Variants in MYO10 observed in about 807,000 individuals in gnomAD.
MYO10 encodes unconventional myosin-X.
MYO10 carries 133 observed loss-of-function variants against 257.3 expected under a neutral mutation model. The observed-to-expected ratio is 0.52, with a 90% confidence interval of 0.45 to 0.60. The LOEUF (loss-of-function observed/expected upper bound fraction) is 0.60, where lower values mean the gene tolerates loss of function less well. Among genes scored for constraint, MYO10 ranks in the 20% least tolerant of loss-of-function variants. The probability of loss-of-function intolerance (pLI) is 0.00; values close to 1 mark genes in which losing one functional copy is unlikely to be tolerated. For synonymous variants in MYO10, 1,104 were observed against 1,028.6 expected (o/e 1.07, Z -1.40); for missense variants, 2,399 against 2,635.7 (o/e 0.91, Z 1.97).
At chr5:16,690,170 T>A (rs1422265715) in intron 27 of MYO10, among the ~76,000 whole-genome samples, 1 of 152,172 alleles carries the variant, frequency 6.6e-6, no homozygotes, top group Non-Finnish European at 1.5e-5. Flanking sequence ...AACAATACAG[T>A]GTAACTACTA....
intron 3 of MYO10, among the ~76,000 whole-genome samples, chr5:16,805,946 A>T (rs1287982676): frequency 6.6e-6 from 1 of 152,196 alleles, no homozygotes; most frequent in Non-Finnish European, 1.5e-5. Context: ...CCTAGTGTCA[A>T]ATTTCACACC....
intron 19 of MYO10, among the ~76,000 whole-genome samples, chr5:16,752,298 T>C (rs184270219): frequency 2.0e-5 from 3 of 152,342 alleles, no homozygotes; most frequent in Admixed American, 2.0e-4. Context: ...ATTTGTATTT[T>C]TTGAAACAGA....
chr5:16,852,975 C>G (rs1020365965), intron 2 of MYO10, among the ~76,000 whole-genome samples: 18 of 152,066 alleles, frequency 1.2e-4, no homozygotes, highest in African/African-American at 4.1e-4. Context: ...GAGGGTAGAA[C>G]TAGGAATGAA....
intron 19 of MYO10, among the ~76,000 whole-genome samples, chr5:16,739,779 A>G (rs372493312): frequency 2.6e-5 from 4 of 152,192 alleles, no homozygotes; most frequent in African/African-American, 9.7e-5. Context: ...TATACACAAC[A>G]AATATAAAGA....
Position 16,920,223 on chromosome 5 carries a change from G to A in MYO10, c.21+15565C>T, listed in dbSNP as rs562931590. On this transcript the variant is annotated intron_variant, in intron 1 of 40. Coordinates refer to ENST00000513610, the MANE Select transcript of MYO10 (RefSeq NM_012334.3). The stretch of plus-strand genomic sequence containing the variant: ...CGGGAGGCAGAGACTGCAGTGAACC[G>A]ACATTGCGCCACTGCACTCCAGCCT... 4.6e-5 allele frequency among the ~76,000 whole-genome samples: 7 copies of A among 152,266 alleles called. No individual in the cohort carries two copies. The South Asian group carries it at 1.0e-3, about 23-fold the overall frequency.
In MYO10 at chr5:16,848,159, T is replaced by TTTTTTTTTTC. The variant is rs1437234011; in HGVS notation, c.120+29449_120+29450insGAAAAAAAAA. On this transcript the variant is annotated intron_variant, in intron 2 of 40. Transcript: ENST00000513610. The stretch of plus-strand genomic sequence containing the variant: ...TAAGCAAAGAACTACACATTTCTTT[T>TTTTTTTTTTC]TTTTTTTTTTTTTTGTGAGAGAGAG... 2.7e-5 allele frequency among the ~76,000 whole-genome samples: 4 copies of TTTTTTTTTTC among 146,876 alleles called. No homozygotes were observed. The South Asian group carries it at 6.4e-4, about 24-fold the overall frequency.
intron 35 of MYO10, among the ~76,000 whole-genome samples, chr5:16,674,194 G>A (rs368096977): frequency 1.3e-5 from 2 of 152,200 alleles, no homozygotes; most frequent in Admixed American, 6.5e-5. Context: ...TTGGCCGGGC[G>A]CCGTGGCTAA....
intron 14 of MYO10, 70 bp downstream of exon 14, chr5:16,763,411 G>A (rs1032665528): frequency 1.7e-6 from 2 of 1,209,920 alleles, no homozygotes; most frequent in African/African-American, 3.0e-5. Flanking sequence ...ACGTTATTTT[G>A]TTCCCATAAA....
At chr5:16,726,859 C>A (rs1161341096) in intron 19 of MYO10, among the ~76,000 whole-genome samples, 1 of 152,196 alleles carries the variant, frequency 6.6e-6, no homozygotes, top group Non-Finnish European at 1.5e-5. Context: ...GGCCTGCCAC[C>A]TGTTCTTGTA....
In MYO10 at chr5:16,818,064, T is replaced by C. The variant is rs1742677445; in HGVS notation, c.224A>G (p.His75Arg). Reference protein sequence around the residue: ...VDDMASLTELHGGSIMYNLFQ... With the variant: ...VDDMASLTELRGGSIMYNLFQ... ...TAAGTTATACATGATGGAGCCGCCA[T>C]GGAGCTCTGTCAAGGACGCCATGTC... is the stretch of plus-strand genomic sequence containing the variant. Residue 75 changes from histidine (H) to arginine (R), a missense_variant, in exon 3 of 41, where the codon CAT (histidine) becomes CGT (arginine). Physicochemically the swap from His to Arg is conservative, Grantham distance 29 (BLOSUM62 0). This residue lies in a region of MYO10 where 242 missense variants were observed against 249.5 expected (regional missense o/e 0.97). Transcript: ENST00000513610. 2.5e-6 allele frequency: 4 copies of C among 1,610,088 alleles called. No homozygotes were observed. The highest frequency in any genetic ancestry group is 1.7e-5 in the Admixed American group (1 of 59,518).
At chr5:16,768,664 C>CTTTT (rs34950225) in intron 10 of MYO10, among the ~76,000 whole-genome samples, 1,098 of 70,066 alleles carry the variant, frequency 0.016, 63 homozygotes, top group East Asian at 0.026. Context: ...TTTCTCTTTT[C>CTTTT]TTTTTTTTTT....
At chr5:16,833,918 T>C (rs1461742037) in intron 2 of MYO10, among the ~76,000 whole-genome samples, 1 of 152,208 alleles carries the variant, frequency 6.6e-6, no homozygotes, top group African/African-American at 2.4e-5. Context: ...TTATCAGTGA[T>C]GTAATCTGGC....
At chr5:16,831,870 G>C (rs527792056) in intron 2 of MYO10, among the ~76,000 whole-genome samples, 30 of 152,112 alleles carry the variant, frequency 2.0e-4, no homozygotes, top group East Asian at 1.4e-3. Flanking sequence ...AATAACCTAT[G>C]GAAATAAAAA....
rs1736072926 is a variant in MYO10, at chr5:16,664,235, T to G, written c.*2457A>C. 6.6e-6 allele frequency: 1 copy of G among 152,208 alleles called. No homozygotes were observed. Among genetic ancestry groups the G allele is most frequent in the Non-Finnish European group, 1.5e-5 (1 of 68,042 alleles). The allele number at this position is 152,208 out of a possible 1,614,324, so 9.4% of individuals were successfully genotyped here. The stretch of plus-strand genomic sequence containing the variant: ...TAAAGGCTCACATGTAAATCTATGT[T>G]CTAACTATGGTGCTGCTCTAACCCC... On this transcript the variant is annotated 3_prime_UTR_variant, in exon 41 of 41. Coordinates refer to ENST00000513610, the MANE Select transcript of MYO10 (RefSeq NM_012334.3).
At chr5:16,786,639 A>T (rs1741589548) in intron 4 of MYO10, among the ~76,000 whole-genome samples, 1 of 152,164 alleles carries the variant, frequency 6.6e-6, no homozygotes, top group African/African-American at 2.4e-5. Flanking sequence ...CGACCAGTAT[A>T]ATGCAAAGAT....
chr5:16,710,652 C>T, intron 21 of MYO10: 1 of 513,838 alleles, frequency 1.9e-6, no homozygotes, highest in Non-Finnish European at 3.5e-6. Context: ...AACAAATACC[C>T]ACACACAAAC....
chr5:16,851,832 C>G (rs1743810997), intron 2 of MYO10, among the ~76,000 whole-genome samples: 1 of 151,958 alleles, frequency 6.6e-6, no homozygotes, highest in Non-Finnish European at 1.5e-5. Flanking sequence ...GCGGGCAGAT[C>G]ACGAGGTCAG....
intron 10 of MYO10, among the ~76,000 whole-genome samples, chr5:16,768,834 C>A (rs1305516877): frequency 6.6e-6 from 1 of 151,798 alleles, no homozygotes; most frequent in African/African-American, 2.4e-5. Context: ...CACCATCATG[C>A]CTGGCTAATT....
chr5:16,740,686 C>T (rs1237659921), intron 19 of MYO10, among the ~76,000 whole-genome samples: 2 of 152,114 alleles, frequency 1.3e-5, no homozygotes, highest in African/African-American at 4.8e-5. Flanking sequence ...CATTCCAGCC[C>T]TCTCGCAAGC....
Sources: gnomAD v4.1 joint callset for allele counts (sites outside exome capture counted in the v4.1 genomes callset) on GRCh38, gnomAD v4.1.1 for gene constraint, gnomAD v4.1.1 regional missense constraint, MANE v1.5 for transcripts, NCBI Gene and HGNC (gene_info 2026-07-23, HGNC 2026-07-21) for gene names.